Variants in CAPRIN1 observed in about 807,000 individuals in gnomAD.
The protein encoded by CAPRIN1 is cell cycle associated protein 1.
Under a neutral mutation model 100.9 loss-of-function variants are expected in CAPRIN1, and 29 were observed. The ratio of observed to expected loss-of-function variants is 0.29; its 90% CI spans 0.21 to 0.39. CAPRIN1 has a LOEUF of 0.39. Ranked by LOEUF, CAPRIN1 falls within the 10% of genes least tolerant of loss-of-function variation. The pLI is 1.00. For synonymous variants in CAPRIN1, 338 were observed against 307.5 expected (o/e 1.10, Z -1.04); for missense variants, 795 against 876.7 (o/e 0.91, Z 1.18).
intron 7 of CAPRIN1, among the ~76,000 whole-genome samples, chr11:34,081,573 A>G (rs981452106): frequency 6.6e-6 from 1 of 151,424 alleles, no homozygotes; most frequent in African/African-American, 2.4e-5. Context: ...GGCTCACTGC[A>G]GTTTCCACCT....
chr11:34,089,531 C>T (rs1041878782), intron 12 of CAPRIN1, 75 bp downstream of exon 12: 6 of 824,822 alleles, frequency 7.3e-6, no homozygotes, highest in Middle Eastern at 2.3e-4. Context: ...CTTTAGGAGG[C>T]TGAGATGGGA....
At chr11:34,099,237 A>G (rs1851417401) in intron 18 of CAPRIN1, 66 bp from the exon 19 acceptor site, 3 of 1,591,758 alleles carry the variant, frequency 1.9e-6, no homozygotes, top group South Asian at 1.1e-5. Flanking sequence ...CTTCAGATGA[A>G]AATCTGCTTG....
At position 34,099,805 on chromosome 11, in the gene CAPRIN1, G is replaced by A. The variant is rs563672893; in HGVS notation, c.*438G>A. ...TTCCCTAGAAAGGAAGATGAAAGGA[G>A]TGGAGTGTGGTTTGGCAGAACAACT... On this transcript the variant is annotated 3_prime_UTR_variant, in exon 19 of 19. Transcript: ENST00000341394. 8.8e-5 allele frequency: 14 copies of A among 159,300 alleles called. No individual in the cohort carries two copies. Among genetic ancestry groups the A allele is most frequent in the African/African-American group, 2.9e-4 (12 of 41,686 alleles). The allele number at this position is 159,300 out of a possible 1,614,324, so 9.9% of individuals were successfully genotyped here.
intron 7 of CAPRIN1, among the ~76,000 whole-genome samples, chr11:34,081,456 C>G (rs1851026051): frequency 6.6e-6 from 1 of 151,886 alleles, no homozygotes; most frequent in African/African-American, 2.4e-5. Flanking sequence ...GCCTTGGCCT[C>G]CCAAAGTGCT....
intron 14 of CAPRIN1, among the ~76,000 whole-genome samples, chr11:34,090,896 TATC>T (rs1851251609): frequency 6.6e-6 from 1 of 152,248 alleles, no homozygotes; most frequent in African/African-American, 2.4e-5. Context: ...GATGTGCCTG[TATC>T]ATCTTAATTT....
rs1851467742 is a variant in CAPRIN1 at position 34,102,536 on chromosome 11, T to G, written c.*3169T>G. 6.6e-6 allele frequency among the ~76,000 whole-genome samples: 1 copy of G among 152,228 alleles called. No individual in the cohort carries two copies. Among genetic ancestry groups the G allele is most frequent in the Non-Finnish European group, 1.5e-5 (1 of 68,040 alleles). On this transcript the variant is annotated 3_prime_UTR_variant, in exon 19 of 19. Coordinates refer to ENST00000341394, the MANE Select transcript of CAPRIN1 (RefSeq NM_005898.5). ...AGGCTCATCTTCATACCTTTTTCCA[T>G]TTTGAATCCTACAAAAATACTGCAA...
rs575538028 is a variant in CAPRIN1, at chr11:34,064,844, G to A, written c.217-6882G>A. ...ATGAAATAGTTACTAGGTTAGATTC[G>A]TAAACTGGTCTAGAAATCCAGCCAC... is the stretch of plus-strand genomic sequence containing the variant. On this transcript the variant is annotated intron_variant, in intron 2 of 18. Transcript: ENST00000341394. Among the ~76,000 whole-genome samples the A allele has an allele frequency of 3.3e-5, 5 of 151,698 alleles. No individual in the cohort carries two copies. In the South Asian group the frequency reaches 6.2e-4, roughly 19 times the overall value.
intron 2 of CAPRIN1, among the ~76,000 whole-genome samples, chr11:34,055,187 TTGCCCAGGCTGGAG>T (rs1044919261): frequency 1.6e-4 from 24 of 152,250 alleles, no homozygotes; most frequent in Non-Finnish European, 2.2e-4. Flanking sequence ...TGAATCTCTG[TTGCCCAGGCTGGAG>T]TGCCCAGGCT....
chr11:34,054,186 G>T lies in CAPRIN1; in HGVS notation c.216+1550G>T, dbSNP rs183168763. ...CCCTGTTTCATCTTCGGTATTGAAG[G>T]TTGGAAGTTTTACTTGAATTTCATG... On this transcript the variant is annotated intron_variant, in intron 2 of 18. Transcript: ENST00000341394. 1.2e-3 allele frequency among the ~76,000 whole-genome samples: 186 copies of T among 152,196 alleles called. 2 individuals carry two copies. Among genetic ancestry groups the T allele is most frequent in the African/African-American group, 4.2e-3 (176 of 41,538 alleles).
chr11:34,058,049 C>T (rs953033177), intron 2 of CAPRIN1, among the ~76,000 whole-genome samples: 3 of 152,000 alleles, frequency 2.0e-5, no homozygotes, highest in Non-Finnish European at 4.4e-5. Context: ...CTTAAACCAC[C>T]TTAGAATTTA....
chr11:34,098,257 C>CAATG, intron 18 of CAPRIN1: 1 of 985,482 alleles, frequency 1.0e-6, no homozygotes, highest in Non-Finnish European at 1.2e-6. Context: ...ATGGAATTTG[C>CAATG]AATGCCTTTT....
At position 34,099,463 on chromosome 11, in the gene CAPRIN1, T is replaced by G; in HGVS notation, c.*96T>G. 1.9e-6 allele frequency: 2 copies of G among 1,040,510 alleles called. No individual in the cohort carries two copies. The highest frequency in any genetic ancestry group is 3.0e-6 in the Non-Finnish European group (2 of 674,934). 64.5% of individuals were successfully genotyped at this position (1,040,510 alleles called of 1,614,324 possible). ...AGTTATTATCTATTTGTTCTCCCTTTCAGGAAACTTATTGTAAAGGGACTG... is the reference window on the plus strand; with the variant it reads ...AGTTATTATCTATTTGTTCTCCCTTGCAGGAAACTTATTGTAAAGGGACTG... On this transcript the variant is annotated 3_prime_UTR_variant, in exon 19 of 19. Coordinates refer to ENST00000341394, the MANE Select transcript of CAPRIN1 (RefSeq NM_005898.5).
intron 18 of CAPRIN1, chr11:34,097,995 C>G (rs1851397506): frequency 8.3e-7 from 1 of 1,206,268 alleles, no homozygotes; most frequent in African/African-American, 1.5e-5. Flanking sequence ...AACATATTCT[C>G]TTCTCAGAAA....
Position 34,086,390 on chromosome 11 carries a change from T to C in CAPRIN1, c.1208T>C (p.Met403Thr). ...QPMNPTQNMD[M>T]PQLVCPPVHS... The stretch of plus-strand genomic sequence containing the variant: ...ATGAATCCAACACAAAACATGGACA[T>C]GCCCCAGCTGGTTTGCCCTCCAGGT... The change falls in exon 11 of 19, where the codon ATG (methionine) becomes ACG (threonine). Residue 403 changes from methionine to threonine, a missense_variant. By Grantham distance (81) the Met-to-Thr change is moderately conservative. Transcript: ENST00000341394. The C allele has an allele frequency of 6.2e-7, 1 of 1,612,882 alleles. No individual in the cohort carries two copies. Among genetic ancestry groups the C allele is most frequent in the Non-Finnish European group, 8.5e-7 (1 of 1,179,160 alleles).
At chr11:34,096,313 A>G (rs949828994) in intron 15 of CAPRIN1, 166 bp from the exon 16 acceptor site, 13 of 538,902 alleles carry the variant, frequency 2.4e-5, no homozygotes, top group Non-Finnish European at 3.9e-5. Context: ...GGTAGGAGAA[A>G]GGTAAGAGAC....
intron 9 of CAPRIN1, 36 bp from the exon 10 acceptor site, chr11:34,086,028 C>G (rs779598606): frequency 6.2e-7 from 1 of 1,602,084 alleles, no homozygotes. Flanking sequence ...CTTTTTTGCT[C>G]TCCTATTCCT....
intron 2 of CAPRIN1, among the ~76,000 whole-genome samples, chr11:34,062,598 C>G (rs1159872150): frequency 6.8e-6 from 1 of 146,022 alleles, no homozygotes; most frequent in Non-Finnish European, 1.5e-5. Context: ...GCACTCCAGC[C>G]TGGGCGACAG....
At chr11:34,089,227 T>C (rs1481709583) in intron 11 of CAPRIN1, among the ~76,000 whole-genome samples, 168 bp from the exon 12 acceptor site, 1 of 97,678 alleles carries the variant, frequency 1.0e-5, no homozygotes, top group African/African-American at 4.1e-5. Context: ...TAAGATCACA[T>C]CACTGTACTC....
chr11:34,064,780 A>T (rs182542389), intron 2 of CAPRIN1, among the ~76,000 whole-genome samples: 3 of 152,208 alleles, frequency 2.0e-5, no homozygotes, highest in East Asian at 3.9e-4. Context: ...CAAAGGTGGT[A>T]ACCCCTAAGT....
Sources: allele counts gnomAD v4.1 joint callset (sites outside exome capture counted in the v4.1 genomes callset), GRCh38; gene constraint gnomAD v4.1.1; transcripts MANE v1.5; gene names NCBI Gene and HGNC (gene_info 2026-07-23, HGNC 2026-07-21).